KIAA1549L: variants seen among roughly 807,000 people sequenced by gnomAD.
KIAA1549L encodes the protein KIAA1549 like.
In KIAA1549L, 88 loss-of-function variants were observed where a neutral mutation model predicts 160.7. That is an observed-to-expected ratio of 0.55 (90% confidence interval 0.46 to 0.65). The LOEUF is 0.65. Ranked by LOEUF, KIAA1549L falls within the 30% of genes least tolerant of loss-of-function variation. The pLI is 0.00. For synonymous variants in KIAA1549L, 950 were observed against 976.7 expected (o/e 0.97, Z 0.51); for missense variants, 2,258 against 2,437.5 (o/e 0.93, Z 1.55).
At chr11:33,625,733 CT>C (rs1376780131) in intron 16 of KIAA1549L, among the ~76,000 whole-genome samples, 4 of 152,100 alleles carry the variant, frequency 2.6e-5, no homozygotes, top group Non-Finnish European at 4.4e-5. Context: ...ATGGTAGTTT[CT>C]TTTGCTGTGC....
At chr11:33,521,434 C>T (rs1050352684) in intron 1 of KIAA1549L, among the ~76,000 whole-genome samples, 1 of 152,104 alleles carries the variant, frequency 6.6e-6, no homozygotes, top group African/African-American at 2.4e-5. Context: ...AGAATTTGTC[C>T]CTTCCTAATA....
intron 13 of KIAA1549L, among the ~76,000 whole-genome samples, chr11:33,600,107 TTA>T (rs1850315925): frequency 6.6e-6 from 1 of 152,230 alleles, no homozygotes. Flanking sequence ...TTTTCAGCTA[TTA>T]TATAAAGCAC....
chr11:33,627,743 G>A (rs1851159761), intron 16 of KIAA1549L, among the ~76,000 whole-genome samples: 1 of 152,010 alleles, frequency 6.6e-6, no homozygotes, highest in South Asian at 2.1e-4. Context: ...CCAGCTCCTG[G>A]ATTCATTAAT....
chr11:33,578,374 C>A (rs1003457716), intron 10 of KIAA1549L, among the ~76,000 whole-genome samples: 1 of 152,172 alleles, frequency 6.6e-6, no homozygotes, highest in African/African-American at 2.4e-5. Context: ...ACTCCTTTGT[C>A]TCCTTCAAAT....
intron 1 of KIAA1549L, among the ~76,000 whole-genome samples, chr11:33,495,263 C>A (rs1268348919): frequency 1.3e-5 from 2 of 151,960 alleles, no homozygotes; most frequent in Non-Finnish European, 2.9e-5. Context: ...TCTCCCAATG[C>A]TATCCCTCCC....
intron 11 of KIAA1549L, among the ~76,000 whole-genome samples, chr11:33,586,616 G>T (rs1849886745): frequency 6.6e-6 from 1 of 152,088 alleles, no homozygotes; most frequent in Non-Finnish European, 1.5e-5. Context: ...ATATCCAGAT[G>T]CAGGATGGAG....
chr11:33,575,891 C>T (rs1018307776), intron 10 of KIAA1549L, among the ~76,000 whole-genome samples: 1 of 152,248 alleles, frequency 6.6e-6, no homozygotes, highest in Non-Finnish European at 1.5e-5. Context: ...CTCTGATCAG[C>T]TGTGGGGTGC....
intron 20 of KIAA1549L, among the ~76,000 whole-genome samples, chr11:33,664,320 C>G (rs985487760): frequency 2.8e-5 from 4 of 140,546 alleles, no homozygotes; most frequent in African/African-American, 1.1e-4. Context: ...AATATAGACT[C>G]CCCCTCTGCC....
In KIAA1549L at chr11:33,407,091, T is replaced by TTTTTG. The variant is rs1467090149; in HGVS notation, c.238+30206_238+30207insGTTTT. Among the ~76,000 whole-genome samples, 38 of 142,324 alleles carry TTTTTG rather than the reference T, an allele frequency of 2.7e-4. 2 individuals are homozygous for TTTTTG. In the South Asian group the frequency reaches 7.1e-3, roughly 27 times the overall value. 93.4% of individuals were successfully genotyped at this position (142,324 alleles called of 152,430 possible). ...CCTTTTTCTTTTTTCATTTTTTTTT[T>TTTTTG]TTTTTTTTTTTGAGACGGAGTCTCG... On this transcript the variant is annotated intron_variant, in intron 1 of 20. Coordinates refer to ENST00000658780, the MANE Select transcript of KIAA1549L (RefSeq NM_012194.3).
At chr11:33,563,574 C>G (rs890862423) in intron 8 of KIAA1549L, among the ~76,000 whole-genome samples, 1 of 152,108 alleles carries the variant, frequency 6.6e-6, no homozygotes, top group African/African-American at 2.4e-5. Flanking sequence ...CTGGATGAAG[C>G]CTGCTCAAGA....
chr11:33,566,065 A>AT (rs1855038380), intron 8 of KIAA1549L, among the ~76,000 whole-genome samples: 1 of 152,156 alleles, frequency 6.6e-6, no homozygotes, highest in African/African-American at 2.4e-5. Flanking sequence ...AAAAGTTACC[A>AT]TTTTGAACAT....
chr11:33,588,946 A>C (rs906946667), intron 11 of KIAA1549L, among the ~76,000 whole-genome samples: 3 of 152,226 alleles, frequency 2.0e-5, no homozygotes, highest in African/African-American at 7.2e-5. Context: ...ATAAAACTCC[A>C]TCCTGTTCTG....
chr11:33,612,038 G>T (rs936487163), intron 15 of KIAA1549L, among the ~76,000 whole-genome samples: 20 of 152,254 alleles, frequency 1.3e-4, no homozygotes, highest in African/African-American at 4.1e-4. Flanking sequence ...TGAATAAATG[G>T]TTTCATGATC....
At chr11:33,517,884 G>T (rs1428516699) in intron 1 of KIAA1549L, among the ~76,000 whole-genome samples, 1 of 152,040 alleles carries the variant, frequency 6.6e-6, no homozygotes, top group African/African-American at 2.4e-5. Context: ...GCTCACACCT[G>T]TAATCCTAGC....
chr11:33,478,449 C>T (rs1011413933), intron 1 of KIAA1549L, among the ~76,000 whole-genome samples: 16 of 152,354 alleles, frequency 1.1e-4, no homozygotes, highest in African/African-American at 3.8e-4. Context: ...TCAAGCTCTG[C>T]AGAGCTGTTA....
At chr11:33,459,352 G>A (rs1448282840) in intron 1 of KIAA1549L, among the ~76,000 whole-genome samples, 1 of 152,138 alleles carries the variant, frequency 6.6e-6, no homozygotes, top group East Asian at 1.9e-4. Flanking sequence ...TTTCTGAAGG[G>A]CAGTTCGTGT....
intron 16 of KIAA1549L, among the ~76,000 whole-genome samples, chr11:33,642,518 C>G (rs576659091): frequency 3.6e-4 from 54 of 149,786 alleles, no homozygotes; most frequent in Admixed American, 2.6e-3. Flanking sequence ...TATCGTTCCC[C>G]TATTGGCTAA....
In KIAA1549L at chr11:33,516,341, C is replaced by T. The variant is rs1323548744; in HGVS notation, c.239-25461C>T. Among the ~76,000 whole-genome samples, 9 of 65,384 alleles carry T rather than the reference C, an allele frequency of 1.4e-4. 4 individuals are homozygous for T. The highest frequency in any genetic ancestry group is 2.4e-4 in the Non-Finnish European group (9 of 36,968). The allele number at this position is 65,384 out of a possible 152,430, so 42.9% of individuals were successfully genotyped here. On this transcript the variant is annotated intron_variant, in intron 1 of 20. Transcript: ENST00000658780. ...TAATTTTTTGTATTTTTAGTAGAGA[C>T]GGGGTTTCACCGTGTTAGCCAGGAT...
At chr11:33,412,967 T>C (rs1394711976) in intron 1 of KIAA1549L, among the ~76,000 whole-genome samples, 1 of 152,162 alleles carries the variant, frequency 6.6e-6, no homozygotes, top group Non-Finnish European at 1.5e-5. Flanking sequence ...TCCTAATGAA[T>C]ATACTGCACT....
Sources: allele counts gnomAD v4.1 joint callset (sites outside exome capture counted in the v4.1 genomes callset), GRCh38; gene constraint gnomAD v4.1.1; transcripts MANE v1.5; gene names NCBI Gene and HGNC (gene_info 2026-07-23, HGNC 2026-07-21).